Variants in ALDH1A3 observed in about 807,000 individuals in gnomAD.
ALDH1A3 encodes the protein aldehyde dehydrogenase 1 family member A3.
Under a neutral mutation model 57.5 loss-of-function variants are expected in ALDH1A3, and 28 were observed. The observed-to-expected ratio is 0.49, with a 90% confidence interval of 0.36 to 0.67. The LOEUF (loss-of-function observed/expected upper bound fraction) is 0.67. ALDH1A3 is among the 30% of genes least tolerant of loss of function. The pLI is 0.00. For synonymous variants in ALDH1A3, 281 were observed against 264.8 expected (o/e 1.06, Z -0.59); for missense variants, 507 against 669.4 (o/e 0.76, Z 2.68).
chr15:100,913,818 G>A (rs1478648255), intron 12 of ALDH1A3: 1 of 152,248 alleles, frequency 6.6e-6, no homozygotes, highest in Admixed American at 6.5e-5. Flanking sequence ...TTGATCTAAG[G>A]GAGGAGATGG....
At chr15:100,901,761 C>T (rs2141564783) in intron 9 of ALDH1A3, among the ~76,000 whole-genome samples, 1 of 152,322 alleles carries the variant, frequency 6.6e-6, no homozygotes, top group Admixed American at 6.5e-5. Context: ...GTCTAGGTGG[C>T]AGTGAGTGTC....
chr15:100,880,288 C>T, intron 1 of ALDH1A3: 1 of 381,594 alleles, frequency 2.6e-6, no homozygotes, highest in Non-Finnish European at 4.6e-6. Flanking sequence ...CTGCGAGGCC[C>T]CGACGTGTCC....
In ALDH1A3 at chr15:100,915,097, G is replaced by T; in HGVS notation, c.*324G>T. ...CAGGGAGTGGTATTTGAAGTGTCCA[G>T]CAGTTGCTTGAAATGCTTTGCCGAA... On this transcript the variant is annotated 3_prime_UTR_variant, in exon 13 of 13. Transcript: ENST00000329841. 3.5e-6 allele frequency: 1 copy of T among 285,638 alleles called. No individual in the cohort carries two copies. The highest frequency in any genetic ancestry group is 4.5e-5 in the Admixed American group (1 of 22,392). 17.7% of individuals were successfully genotyped at this position (285,638 alleles called of 1,614,324 possible).
At chr15:100,892,429 C>A in intron 3 of ALDH1A3, 81 bp from the exon 4 acceptor site, 1 of 1,594,806 alleles carries the variant, frequency 6.3e-7, no homozygotes. Context: ...GTGTTCTCTC[C>A]CCAACTTCCA....
chr15:100,882,257 G>GTCC (rs2041554103), intron 1 of ALDH1A3, among the ~76,000 whole-genome samples: 1 of 152,182 alleles, frequency 6.6e-6, no homozygotes, highest in Admixed American at 6.5e-5. Context: ...CCCTTCATTT[G>GTCC]TCCTCACATG....
rs995548807 is a variant in ALDH1A3 at position 100,915,404 on chromosome 15, C to G, written c.*631C>G. 1 of 152,354 alleles carries G rather than the reference C, an allele frequency of 6.6e-6. No individual in the cohort carries two copies. Among genetic ancestry groups the G allele is most frequent in the Non-Finnish European group, 1.5e-5 (1 of 68,084 alleles). 9.4% of individuals were successfully genotyped at this position (152,354 alleles called of 1,614,324 possible). On this transcript the variant is annotated 3_prime_UTR_variant, in exon 13 of 13. Transcript: ENST00000329841. Reference sequence around the variant, plus strand: ...TTGTGGATTGCATGTTGACATTGACCGTGAGATTCGGCTTCAAACCAATAC... The same window carrying G: ...TTGTGGATTGCATGTTGACATTGACGGTGAGATTCGGCTTCAAACCAATAC...
intron 12 of ALDH1A3, 63 bp downstream of exon 12, chr15:100,908,545 G>A (rs1349348989): frequency 6.9e-7 from 1 of 1,445,724 alleles, no homozygotes; most frequent in East Asian, 2.3e-5. Flanking sequence ...AGATTTGCAG[G>A]CAGTGACACA....
At position 100,900,567 on chromosome 15, in the gene ALDH1A3, C is replaced by G. The variant is rs1257336003; in HGVS notation, c.884-8C>G. 1 of 1,574,382 alleles carries G rather than the reference C, an allele frequency of 6.4e-7. No individual in the cohort carries two copies. The highest frequency in any genetic ancestry group is 8.6e-7 in the Non-Finnish European group (1 of 1,158,642). On this transcript the variant is annotated splice_region_variant and splice_polypyrimidine_tract_variant and intron_variant, in intron 8 of 12. Transcript: ENST00000329841. ...CTCTGCCCGCCTCCCTCGCCCCTCC[C>G]CCTCCAGTGGACTTGGCAGTGGAGT...
chr15:100,909,778 T>A (rs904170488), intron 12 of ALDH1A3, among the ~76,000 whole-genome samples: 2 of 152,216 alleles, frequency 1.3e-5, no homozygotes, highest in South Asian at 2.1e-4. Flanking sequence ...GACACTGTCT[T>A]CTCTCCCCAG....
rs934569936 is a variant in ALDH1A3 at position 100,908,571 on chromosome 15, A to T, written c.1466+89A>T. On this transcript the variant is annotated intron_variant, in intron 12 of 12. Coordinates refer to ENST00000329841, the MANE Select transcript of ALDH1A3 (RefSeq NM_000693.4). ...CAGTGACACAGGCTCCAATCTGCTG[A>T]CACCCCGTCCCCCCCACACCGCCGC... The T allele has an allele frequency of 8.1e-6, 10 of 1,227,908 alleles. No homozygotes were observed. The African/African-American group carries it at 1.5e-4, about 18-fold the overall frequency. The allele number at this position is 1,227,908 out of a possible 1,614,324, so 76.1% of individuals were successfully genotyped here.
At chr15:100,882,641 C>G (rs1302043665) in intron 1 of ALDH1A3, among the ~76,000 whole-genome samples, 1 of 152,198 alleles carries the variant, frequency 6.6e-6, no homozygotes, top group Non-Finnish European at 1.5e-5. Flanking sequence ...GTCCTGCTTC[C>G]ATGTCATTCT....
At chr15:100,884,017 C>G (rs1012570770) in intron 1 of ALDH1A3, among the ~76,000 whole-genome samples, 8 of 152,190 alleles carry the variant, frequency 5.3e-5, no homozygotes, top group Non-Finnish European at 1.0e-4. Flanking sequence ...AAAAACGGAA[C>G]CTGATGAACT....
intron 9 of ALDH1A3, among the ~76,000 whole-genome samples, chr15:100,903,098 G>A (rs926966574): frequency 6.6e-6 from 1 of 152,140 alleles, no homozygotes; most frequent in Non-Finnish European, 1.5e-5. Context: ...ACATACACGG[G>A]TCAAACCCCA....
In ALDH1A3 at chr15:100,915,729, A is replaced by G. The variant is rs1177884577; in HGVS notation, c.*956A>G. 2 of 152,318 alleles carry G rather than the reference A, an allele frequency of 1.3e-5. No homozygotes were observed. Among genetic ancestry groups the G allele is most frequent in the Non-Finnish European group, 1.5e-5 (1 of 68,032 alleles). The allele number at this position is 152,318 out of a possible 1,614,324, so 9.4% of individuals were successfully genotyped here. ...TCTCCAGTTCTGTTACCCAATTTAG[A>G]TTAGTAAAGCGTACACAACTGGAAA... On this transcript the variant is annotated 3_prime_UTR_variant, in exon 13 of 13. Transcript: ENST00000329841.
At chr15:100,907,032 A>G in intron 10 of ALDH1A3, 89 bp from the exon 11 acceptor site, 6 of 1,460,980 alleles carry the variant, frequency 4.1e-6, no homozygotes, top group South Asian at 1.3e-5. Context: ...GGGCATATGA[A>G]AAACATGTAA....
intron 7 of ALDH1A3, 78 bp downstream of exon 7, chr15:100,896,124 C>G: frequency 1.8e-6 from 2 of 1,124,206 alleles, no homozygotes; most frequent in Non-Finnish European, 2.6e-6. Context: ...CTTTGACAGG[C>G]TTTAATATGA....
chr15:100,897,816 G>C (rs1022994162), intron 7 of ALDH1A3, among the ~76,000 whole-genome samples: 5 of 152,256 alleles, frequency 3.3e-5, no homozygotes, highest in African/African-American at 1.2e-4. Context: ...TTCCCAGCCA[G>C]CTGTGTGGGC....
rs4646663 is a variant in ALDH1A3, at chr15:100,891,541, G to C, written c.346-969G>C. On this transcript the variant is annotated intron_variant, in intron 3 of 12. Coordinates refer to ENST00000329841, the MANE Select transcript of ALDH1A3 (RefSeq NM_000693.4). Reference sequence around the variant, plus strand: ...TTGGCCAAGTCACTGGGCCGTTAGCGTCCGTGCCTGCACCTTGAAGTGGGA... The same window carrying C: ...TTGGCCAAGTCACTGGGCCGTTAGCCTCCGTGCCTGCACCTTGAAGTGGGA... Among the ~76,000 whole-genome samples, 1,051 of 152,362 alleles carry C rather than the reference G, an allele frequency of 6.9e-3. 15 individuals carry two copies. Among genetic ancestry groups the C allele is most frequent in the East Asian group, 0.023 (119 of 5,180 alleles).
At chr15:100,884,783 A>T (rs1001187146) in intron 1 of ALDH1A3, among the ~76,000 whole-genome samples, 3 of 152,202 alleles carry the variant, frequency 2.0e-5, no homozygotes, top group African/African-American at 7.2e-5. Context: ...CTCCTTGGCA[A>T]TCAATCTTGC....
Sources: allele counts gnomAD v4.1 joint callset (sites outside exome capture counted in the v4.1 genomes callset), GRCh38; gene constraint gnomAD v4.1.1; transcripts MANE v1.5; gene names NCBI Gene and HGNC (gene_info 2026-07-23, HGNC 2026-07-21).